TACC3: variants seen among roughly 807,000 people sequenced by gnomAD.
TACC3 encodes the protein transforming acidic coiled-coil-containing protein 3.
Under a neutral mutation model 86.0 loss-of-function variants are expected in TACC3, and 52 were observed. The observed-to-expected ratio is 0.60, with a 90% CI of 0.48 to 0.76. The LOEUF is 0.76. Among genes scored for constraint, TACC3 ranks in the 30% least tolerant of loss-of-function variants. The pLI, the probability that TACC3 is intolerant of heterozygous loss-of-function variation, is 0.00. For synonymous variants in TACC3, 512 were observed against 430.0 expected, an observed-to-expected ratio of 1.19 and a Z score of -2.36; for missense variants, 1,120 against 1,070.4, an observed-to-expected ratio of 1.05 and a Z score of -0.65.
Position 1,735,916 on chromosome 4 carries a change from AGAGG to A in TACC3, c.1748+83_1748+86del. On this transcript the variant is annotated intron_variant, in intron 8 of 15. Coordinates refer to ENST00000313288, the MANE Select transcript of TACC3 (RefSeq NM_006342.3). This position sits in a 1 kb window ranked among gnomAD's most constrained non-coding sequence, Gnocchi z 4.2. The stretch of plus-strand genomic sequence containing the variant: ...CTGTTCCTAGGTGTGCTGTCTGCAC[AGAGG>A]CTTCTAGACCGGGGGGAGATGATCA... 3 of 986,130 alleles carry A rather than the reference AGAGG, an allele frequency of 3.0e-6. No individual in the cohort carries two copies. Among genetic ancestry groups the A allele is most frequent in the Non-Finnish European group, 4.6e-6 (3 of 657,028 alleles). 61.1% of individuals were successfully genotyped at this position (986,130 alleles called of 1,614,324 possible).
intron 12 of TACC3, 55 bp from the exon 13 acceptor site, chr4:1,740,771 C>T: frequency 9.8e-6 from 15 of 1,530,926 alleles, no homozygotes; most frequent in East Asian, 2.3e-5. Context: ...CTGTCTCTGG[C>T]ACCCATCGTT....
At chr4:1,739,573 C>A in intron 10 of TACC3, 129 bp from the exon 11 acceptor site, 1 of 844,438 alleles carries the variant, frequency 1.2e-6, no homozygotes, top group Non-Finnish European at 1.8e-6. Context: ...ACTGGAAGCC[C>A]CACATGGAAC....
chr4:1,725,868 G>A (rs991067128), intron 3 of TACC3, among the ~76,000 whole-genome samples: 3 of 152,244 alleles, frequency 2.0e-5, no homozygotes, highest in African/African-American at 4.8e-5. Flanking sequence ...CCGAGTGGCC[G>A]CCTGGGAAGG....
At position 1,728,721 on chromosome 4, in the gene TACC3, G is replaced by C; in HGVS notation, c.1319G>C (p.Gly440Ala). The change falls in exon 4 of 16, where the codon GGC (glycine) becomes GCC (alanine). Residue 440 changes from glycine (G) to alanine (A), a missense_variant. Physicochemically the swap from Gly to Ala is moderately conservative, Grantham distance 60. Coordinates refer to ENST00000313288, the MANE Select transcript of TACC3 (RefSeq NM_006342.3). ...QPPESPETRL[G>A]QPAAEQLHAG... ...CCAGAAAGCCCTGAGACCAGGCTGG[G>C]CCAGCCAGCGGCTGAACAGTTGCAT... is the stretch of plus-strand genomic sequence containing the variant. 6.2e-7 allele frequency: 1 copy of C among 1,613,166 alleles called. No individual in the cohort carries two copies. Among genetic ancestry groups the C allele is most frequent in the Non-Finnish European group, 8.5e-7 (1 of 1,179,968 alleles).
chr4:1,736,444 A>AAAC (rs1718270164), intron 8 of TACC3, among the ~76,000 whole-genome samples: 1 of 150,110 alleles, frequency 6.7e-6, no homozygotes, highest in Non-Finnish European at 1.5e-5. Context: ...AAAAAAAAAA[A>AAAC]ACCAAAAAAT....
At chr4:1,720,638 G>C (rs549014623), upstream of TACC3, 3 of 1,540,080 alleles carry the variant, frequency 1.9e-6, no homozygotes, top group East Asian at 4.9e-5. The surrounding 1 kb of genome is among the most constrained non-coding windows in gnomAD (Gnocchi z 4.4). Flanking sequence ...CTCACCGAGC[G>C]GCAGCAGCGA....
At chr4:1,720,729 G>A, upstream of TACC3, 3 of 1,567,852 alleles carry the variant, frequency 1.9e-6, no homozygotes, top group Non-Finnish European at 2.6e-6. The surrounding 1 kb of genome is among the most constrained non-coding windows in gnomAD (Gnocchi z 4.4). Context: ...CAGCCCGACA[G>A]CAGGTTCTGC....
rs781270403 is a variant in TACC3, at chr4:1,727,993, C to T, written c.591C>T (p.Pro197=). Residue 197 remains proline (P), a synonymous_variant, in exon 4 of 16, where the codon CCC becomes CCT. Transcript: ENST00000313288. ...ATTCCTTAGACAGAAGAGTGACACCCGCCTCTGAGACCCTAGAAGACCCTT... is the reference window on the plus strand; with the variant it reads ...ATTCCTTAGACAGAAGAGTGACACCTGCCTCTGAGACCCTAGAAGACCCTT... The part of the protein sequence containing the change: ...SSYSLDRRVT[P]ASETLEDPCR... The T allele has an allele frequency of 1.4e-5, 23 of 1,613,370 alleles. No individual in the cohort carries two copies. The highest frequency in any genetic ancestry group is 1.2e-4 in the Admixed American group (7 of 60,032).
In TACC3 at chr4:1,739,807, CGTCCCCATCCCCCTCGCCATCCTT is replaced by C. The variant is rs748991578; in HGVS notation, c.2018+76_2019-82del. The C allele has an allele frequency of 2.6e-3, 1,753 of 685,254 alleles. 23 individuals are homozygous for C. The East Asian group carries it at 0.032, about 13-fold the overall frequency. The allele number at this position is 685,254 out of a possible 1,614,324, so 42.4% of individuals were successfully genotyped here. A position where few individuals can be genotyped will look rare whatever the true frequency, so the allele number is the denominator to read the frequency against. On this transcript the variant is annotated intron_variant, in intron 11 of 15. Transcript: ENST00000313288. Reference sequence around the variant, plus strand: ...AGGAGGCCCCGTCTCCTGTCCTCCCCGTCCCCATCCCCCTCGCCATCCTTGTCCCCATCCCCCTCGCCATCCTTG... The same window carrying C: ...AGGAGGCCCCGTCTCCTGTCCTCCCCGTCCCCATCCCCCTCGCCATCCTTG...
intron 4 of TACC3, among the ~76,000 whole-genome samples, chr4:1,729,462 A>G (rs1235381332): frequency 2.0e-5 from 3 of 152,134 alleles, no homozygotes; most frequent in Admixed American, 2.0e-4. Flanking sequence ...AGGCAAGGGG[A>G]CAGGTTAAGG....
At chr4:1,740,536 C>CT in intron 12 of TACC3, 1 of 361,640 alleles carries the variant, frequency 2.8e-6, no homozygotes, top group Admixed American at 4.5e-5. Flanking sequence ...GCCATACCGG[C>CT]TCCCAGGCCT....
intron 4 of TACC3, among the ~76,000 whole-genome samples, chr4:1,730,233 G>A (rs1048643314): frequency 9.9e-5 from 15 of 152,108 alleles, no homozygotes; most frequent in African/African-American, 3.6e-4. Flanking sequence ...GTAGAGACGG[G>A]GTTTCACCGT....
chr4:1,728,136 C>T lies in TACC3; in HGVS notation c.734C>T (p.Ala245Val), dbSNP rs376271734. ...ECRHGGVCAPAAVATSPPGAI... is the reference protein window; with the variant it reads ...ECRHGGVCAPVAVATSPPGAI... ...CGGCACGGTGGGGTCTGTGCTCCCG[C>T]AGCAGTGGCCACTTCGCCTCCTGGT... The change falls in exon 4 of 16, where the codon GCA (alanine) becomes GTA (valine). Residue 245 changes from alanine (A) to valine (V), a missense_variant. Ala to Val is a moderately conservative substitution (Grantham distance 64). Transcript: ENST00000313288. The T allele has an allele frequency of 3.7e-6, 6 of 1,611,788 alleles. No homozygotes were observed. Among genetic ancestry groups the T allele is most frequent in the Non-Finnish European group, 5.1e-6 (6 of 1,179,530 alleles).
Position 1,741,052 on chromosome 4 carries a change from G to T in TACC3, c.2223+66G>T. 6.7e-6 allele frequency: 10 copies of T among 1,483,628 alleles called. No individual in the cohort carries two copies. The South Asian group carries it at 1.3e-4, about 20-fold the overall frequency. The allele number at this position is 1,483,628 out of a possible 1,614,324, so 91.9% of individuals were successfully genotyped here. On this transcript the variant is annotated intron_variant, in intron 13 of 15. Transcript: ENST00000313288. ...ATGGACTCATGGTCCAAGCCAGCGGGGCTACAAGCTGCTGTCTTTGCACCT... is the reference window on the plus strand; with the variant it reads ...ATGGACTCATGGTCCAAGCCAGCGGTGCTACAAGCTGCTGTCTTTGCACCT...
rs1029957121 is a variant in TACC3 at position 1,728,064 on chromosome 4, A to G, written c.662A>G (p.Glu221Gly). Reference protein sequence around the residue: ...QHKAETPHGAEEECKAETPHG... With the variant: ...QHKAETPHGAGEECKAETPHG... ...AAAGCGGAGACTCCGCACGGAGCCGAGGAAGAATGCAAAGCGGAGACTCCG... is the reference window on the plus strand; with the variant it reads ...AAAGCGGAGACTCCGCACGGAGCCGGGGAAGAATGCAAAGCGGAGACTCCG... The change falls in exon 4 of 16, where the codon GAG (glutamate) becomes GGG (glycine). Residue 221 changes from glutamate (E) to glycine (G), a missense_variant. By Grantham distance (98) the Glu-to-Gly change is moderately conservative. Coordinates refer to ENST00000313288, the MANE Select transcript of TACC3 (RefSeq NM_006342.3). The G allele has an allele frequency of 1.9e-6, 3 of 1,542,372 alleles. No homozygotes were observed. The highest frequency in any genetic ancestry group is 2.6e-6 in the Non-Finnish European group (3 of 1,141,574).
At position 1,728,427 on chromosome 4, in the gene TACC3, T is replaced by C; in HGVS notation, c.1025T>C (p.Val342Ala). 1 of 1,613,596 alleles carries C rather than the reference T, an allele frequency of 6.2e-7. No homozygotes were observed. Among genetic ancestry groups the C allele is most frequent in the South Asian group, 1.1e-5 (1 of 91,084 alleles). Residue 342 changes from valine (V) to alanine (A), a missense_variant, in exon 4 of 16, where the codon GTA becomes GCA. Coordinates refer to ENST00000313288, the MANE Select transcript of TACC3 (RefSeq NM_006342.3). ...RSGPVKLEFD[V>A]SDGATSKRAP... Reference sequence around the variant, plus strand: ...GGACCTGTAAAACTAGAATTTGATGTATCTGATGGCGCCACCAGCAAAAGG... The same window carrying C: ...GGACCTGTAAAACTAGAATTTGATGCATCTGATGGCGCCACCAGCAAAAGG...
chr4:1,722,331 G>T (rs1420310859), intron 1 of TACC3, among the ~76,000 whole-genome samples: 6 of 152,182 alleles, frequency 3.9e-5, no homozygotes, highest in Admixed American at 1.3e-4. Flanking sequence ...GTCCCCCAGC[G>T]ATCCAGCACC....
rs1049434102 is a variant in TACC3 at position 1,735,251 on chromosome 4, C to T, written c.1592-22C>T. The stretch of plus-strand genomic sequence containing the variant: ...GGGCCCTGGTGAGGGGCGATGGCGG[C>T]GGCATGATTCACTCCTCTCAGTTCT... On this transcript the variant is annotated intron_variant, in intron 6 of 15. Coordinates refer to ENST00000313288, the MANE Select transcript of TACC3 (RefSeq NM_006342.3). The surrounding 1 kb of genome is among the most constrained non-coding windows in gnomAD (Gnocchi z 4.2). 4.4e-5 allele frequency: 71 copies of T among 1,613,594 alleles called. No homozygotes were observed. The highest frequency in any genetic ancestry group is 5.5e-5 in the Non-Finnish European group (65 of 1,180,006).
chr4:1,745,010 C>T lies in TACC3; in HGVS notation c.2514C>T (p.Ile838=). Residue 838 remains isoleucine, a synonymous_variant, in exon 16 of 16, where the codon ATC becomes ATT. Coordinates refer to ENST00000313288, the MANE Select transcript of TACC3 (RefSeq NM_006342.3). The part of the protein sequence containing the change: ...CDDLISKMEK[I] ...ACCTCATCTCCAAGATGGAGAAGAT[C>T]TGACCTCCACGGAGCCGCTGTCCCC... is the stretch of plus-strand genomic sequence containing the variant. 2 of 1,606,632 alleles carry T rather than the reference C, an allele frequency of 1.2e-6. No homozygotes were observed. The highest frequency in any genetic ancestry group is 8.5e-7 in the Non-Finnish European group (1 of 1,177,160).
Sources: gnomAD v4.1 joint callset for allele counts (sites outside exome capture counted in the v4.1 genomes callset) on GRCh38, gnomAD v4.1.1 for gene constraint, Gnocchi (gnomAD v3.1) non-coding constraint, MANE v1.5 for transcripts, NCBI Gene and HGNC (gene_info 2026-07-23, HGNC 2026-07-21) for gene names.